EIF3A: variants seen among roughly 807,000 people sequenced by gnomAD.
The protein encoded by EIF3A is EIF3, p180 subunit.
In EIF3A, 21 loss-of-function variants were observed where a neutral mutation model predicts 186.6. The ratio of observed to expected loss-of-function variants is 0.11; its 90% confidence interval spans 0.08 to 0.16. EIF3A has a LOEUF of 0.16. EIF3A is among the 10% of genes least tolerant of loss of function. The pLI is 1.00. For synonymous variants in EIF3A, 563 were observed against 584.3 expected (o/e 0.96, Z 0.52); for missense variants, 1,306 against 1,796.3 (o/e 0.73, Z 4.93).
intron 19 of EIF3A, among the ~76,000 whole-genome samples, chr10:119,038,722 G>T (rs1018928931): frequency 1.3e-5 from 2 of 152,056 alleles, no homozygotes; most frequent in African/African-American, 2.4e-5. Context: ...TCAGGAATTC[G>T]AGACCAGCCT....
intron 1 of EIF3A, among the ~76,000 whole-genome samples, chr10:119,076,310 G>C (rs1486651219): frequency 8.0e-5 from 8 of 100,076 alleles, no homozygotes; most frequent in South Asian, 4.4e-4. Context: ...TCCAGCCTGG[G>C]CAACAAGTCT....
intron 15 of EIF3A, among the ~76,000 whole-genome samples, 154 bp from the exon 16 acceptor site, chr10:119,050,828 T>C (rs1009117977): frequency 2.6e-5 from 4 of 152,210 alleles, no homozygotes; most frequent in African/African-American, 7.2e-5. Context: ...CAAATGACCA[T>C]TAACTTGTCA....
At chr10:119,065,360 T>C (rs767926449) in intron 7 of EIF3A, 39 bp downstream of exon 7, 32 of 1,491,050 alleles carry the variant, frequency 2.1e-5, no homozygotes, top group Non-Finnish European at 2.7e-5. Context: ...CACAAAGTTT[T>C]CTGCCCAAAG....
intron 20 of EIF3A, 96 bp downstream of exon 20, chr10:119,038,133 TCTCGAACTC>T: frequency 1.0e-6 from 1 of 982,002 alleles, no homozygotes; most frequent in South Asian, 1.4e-5. Flanking sequence ...GCCAGGCTGC[TCTCGAACTC>T]CTGAACTCAG....
chr10:119,055,272 CAGAG>C (rs141023528), intron 14 of EIF3A, among the ~76,000 whole-genome samples: 1 of 152,040 alleles, frequency 6.6e-6, no homozygotes, highest in African/African-American at 2.4e-5. Flanking sequence ...CAGGGAGAGA[CAGAG>C]AGTAAGGGAA....
chr10:119,036,541 G>GTAA (rs1554868108), intron 21 of EIF3A, among the ~76,000 whole-genome samples: 1 of 152,078 alleles, frequency 6.6e-6, no homozygotes, highest in African/African-American at 2.4e-5. Flanking sequence ...GTATAAACCC[G>GTAA]TAAGACAAGG....
chr10:119,072,477 C>A (rs867318125), intron 4 of EIF3A, among the ~76,000 whole-genome samples: 2 of 151,084 alleles, frequency 1.3e-5, no homozygotes. Flanking sequence ...TGTTTTGAGA[C>A]AGAGTCTTGC....
At position 119,042,408 on chromosome 10, in the gene EIF3A, G is replaced by A; in HGVS notation, c.3112C>T (p.Pro1038Ser). The A allele has an allele frequency of 6.2e-7, 1 of 1,614,030 alleles. No homozygotes were observed. The highest frequency in any genetic ancestry group is 8.5e-7 in the Non-Finnish European group (1 of 1,180,004). ...CGGTCATCATCCATCCCACGTCTTG[G>A]TCCTCTGTCCTCATCAGCTGTTCGC... The part of the protein sequence containing the change: ...SWRTADEDRG[P>S]RRGMDDDRGP... Residue 1038 changes from proline (P) to serine (S), a missense_variant, in exon 19 of 22, where the codon CCA (proline) becomes TCA (serine). This residue lies in a region of EIF3A where 410 missense variants were observed against 473.5 expected (regional missense o/e 0.87). Coordinates refer to ENST00000369144, the MANE Select transcript of EIF3A (RefSeq NM_003750.4). This position sits in a 1 kb window ranked among gnomAD's most constrained non-coding sequence, Gnocchi z 7.8.
intron 19 of EIF3A, among the ~76,000 whole-genome samples, chr10:119,040,537 C>G (rs2119817553): frequency 6.6e-6 from 1 of 152,268 alleles, no homozygotes; most frequent in East Asian, 1.9e-4. Flanking sequence ...GTGCTATATG[C>G]AGTAAGCAGC....
chr10:119,046,401 C>A (rs1323935112), intron 17 of EIF3A, among the ~76,000 whole-genome samples: 1 of 152,040 alleles, frequency 6.6e-6, no homozygotes, highest in African/African-American at 2.4e-5. Flanking sequence ...GATCAAGAAA[C>A]AAAAAGTACT....
At chr10:119,079,587 G>GA (rs1028998877) in intron 1 of EIF3A, among the ~76,000 whole-genome samples, 14 of 149,168 alleles carry the variant, frequency 9.4e-5, no homozygotes, top group African/African-American at 2.7e-4. Flanking sequence ...GGTTAGAGGG[G>GA]AAAAAAAAAA....
chr10:119,061,365 G>T, intron 7 of EIF3A, 37 bp from the exon 8 acceptor site: 1 of 945,106 alleles, frequency 1.1e-6, no homozygotes, highest in Admixed American at 2.4e-5. Context: ...ACTGCCAAAG[G>T]AAATTTTCCA....
intron 14 of EIF3A, among the ~76,000 whole-genome samples, chr10:119,053,981 C>T (rs111482600): frequency 2.0e-5 from 3 of 152,256 alleles, no homozygotes; most frequent in African/African-American, 4.8e-5. Context: ...AGTGCAGTGG[C>T]GCAATCTCAG....
At chr10:119,071,591 A>C (rs1170586762) in intron 4 of EIF3A, among the ~76,000 whole-genome samples, 3 of 152,138 alleles carry the variant, frequency 2.0e-5, no homozygotes, top group Non-Finnish European at 4.4e-5. Context: ...TCACATATGC[A>C]CTATTAGATT....
chr10:119,073,600 C>T (rs781300356), intron 2 of EIF3A, 23 bp from the exon 3 acceptor site: 3 of 1,604,516 alleles, frequency 1.9e-6, no homozygotes, highest in Non-Finnish European at 2.5e-6. Context: ...AACAAAAACT[C>T]TTCAGAACTT....
chr10:119,036,188 C>G lies in EIF3A; in HGVS notation c.4000G>C (p.Ala1334Pro), dbSNP rs1464950776. ...RDPPRRVPPP[A>P]LSRDRERDRD... is the part of the protein sequence containing the mutation. ...TCTCTTTCTCGGTCTCTTGAAAGAG[C>G]TGGGGGAGGAACTCGACGAGGAGGG... Residue 1334 changes from alanine to proline, a missense_variant, in exon 22 of 22, where the codon GCT (alanine) becomes CCT (proline). Around this residue, in one of 8 missense-constraint regions of EIF3A, gnomAD observed 331 missense variants for 365.8 expected, o/e 0.90. Coordinates refer to ENST00000369144, the MANE Select transcript of EIF3A (RefSeq NM_003750.4). The G allele has an allele frequency of 1.9e-6, 3 of 1,613,814 alleles. No individual in the cohort carries two copies. Among genetic ancestry groups the G allele is most frequent in the South Asian group, 2.2e-5 (2 of 91,064 alleles).
chr10:119,071,128 C>G, intron 4 of EIF3A, 43 bp from the exon 5 acceptor site: 1 of 1,346,588 alleles, frequency 7.4e-7, no homozygotes, highest in South Asian at 1.2e-5. Context: ...CTTCCACTAT[C>G]TACTTAAATA....
At position 119,080,762 on chromosome 10, in the gene EIF3A, G is replaced by A; in HGVS notation, c.-86C>T. On this transcript the variant is annotated 5_prime_UTR_variant, in exon 1 of 22. Transcript: ENST00000369144. The stretch of plus-strand genomic sequence containing the variant: ...AGGAGACGAAGGGGAACCAGCGTAA[G>A]GTCCCACGCGCCTCGCCAGCAGTCG... 5 of 1,504,870 alleles carry A rather than the reference G, an allele frequency of 3.3e-6. No homozygotes were observed. Among genetic ancestry groups the A allele is most frequent in the East Asian group, 5.5e-5 (2 of 36,222 alleles). 93.2% of individuals were successfully genotyped at this position (1,504,870 alleles called of 1,614,324 possible).
intron 3 of EIF3A, 64 bp from the exon 4 acceptor site, chr10:119,073,117 A>G: frequency 6.8e-7 from 1 of 1,479,196 alleles, no homozygotes; most frequent in Non-Finnish European, 9.1e-7. Flanking sequence ...GTGATTAAAA[A>G]CCAAAACAAT....
Sources: gnomAD v4.1 joint callset for allele counts (sites outside exome capture counted in the v4.1 genomes callset) on GRCh38, gnomAD v4.1.1 for gene constraint, gnomAD v4.1.1 regional missense constraint, Gnocchi (gnomAD v3.1) non-coding constraint, MANE v1.5 for transcripts, NCBI Gene and HGNC (gene_info 2026-07-23, HGNC 2026-07-21) for gene names.